The following INPP5D variants were observed in gnomAD, a reference collection of about 807,000 sequenced individuals.
INPP5D encodes the protein inositol polyphosphate-5-phosphatase D.
A neutral mutation model predicts 122.9 loss-of-function variants in INPP5D; 33 were observed. The ratio of observed to expected loss-of-function variants is 0.27; its 90% CI spans 0.20 to 0.36. The LOEUF (loss-of-function observed/expected upper bound fraction) is 0.36, where lower values mean the gene tolerates loss of function less well. Ranked by LOEUF, INPP5D falls within the 10% of genes least tolerant of loss-of-function variation. The pLI is 1.00. For missense variants in INPP5D, 1,053 were observed against 1,412.7 expected (o/e 0.75, Z 4.08); for synonymous variants, 584 against 576.2 (o/e 1.01, Z -0.19).
At chr2:233,139,773 C>T (rs966172883) in intron 5 of INPP5D, 69 bp from the exon 6 acceptor site, 13 of 396,930 alleles carry the variant, frequency 3.3e-5, no homozygotes, top group Admixed American at 8.8e-5. Context: ...GGCTAGAGCC[C>T]GTGCTGCCAT....
At position 233,079,360 on chromosome 2, in the gene INPP5D, AG is replaced by A; in HGVS notation, c.161del (p.Arg54LysfsTer20). 6.2e-7 allele frequency: 1 copy of A among 1,607,670 alleles called. No homozygotes were observed. Among genetic ancestry groups the A allele is most frequent in the Non-Finnish European group, 8.5e-7 (1 of 1,174,098 alleles). On this transcript the variant is annotated frameshift_variant, in exon 2 of 27. Transcript: ENST00000445964. LOFTEE classifies it high-confidence loss of function. The part of the protein sequence containing the change: ...VLYRNCVYTY[R>X]ILPNEDDKFT... ...GTATCGGAATTGCGTTTACACTTAC[AG>A]AATTCTGCCCAATGAAGATGATAAA...
In INPP5D at chr2:233,204,378, G is replaced by A. The variant is rs1695423705; in HGVS notation, c.3228G>A (p.Lys1076=). 6.2e-7 allele frequency: 1 copy of A among 1,610,210 alleles called. No homozygotes were observed. Among genetic ancestry groups the A allele is most frequent in the Non-Finnish European group, 8.5e-7 (1 of 1,178,352 alleles). ...CTGATCGCGGCGAGGGGCCCGGCAA[G>A]CAGGTGCCCGCGCCCCGGCTGCGCT... The part of the protein sequence containing the change: ...QEADRGEGPG[K]QVPAPRLRSF... The change falls in exon 26 of 27, where the codon AAG becomes AAA. Residue 1076 remains lysine (K), a synonymous_variant. Coordinates refer to ENST00000445964, the MANE Select transcript of INPP5D (RefSeq NM_001017915.3).
chr2:233,146,384 C>A lies in INPP5D; in HGVS notation c.852C>A (p.His284Gln). 2 of 704,284 alleles carry A rather than the reference C, an allele frequency of 2.8e-6. No individual in the cohort carries two copies. Among genetic ancestry groups the A allele is most frequent in the East Asian group, 5.3e-5 (2 of 37,424 alleles). 43.6% of individuals were successfully genotyped at this position (704,284 alleles called of 1,614,324 possible). ...SIEDKVKALL[H>Q]EGPESPHRPS... ...GCCCACAGGTCAAGGCCTTGCTGCA[C>A]GAGGGTCCTGAGTCTCCGCACCGGC... Residue 284 changes from histidine to glutamine, a missense_variant, in exon 8 of 27, where the codon CAC (histidine) becomes CAA (glutamine). Physicochemically the swap from His to Gln is conservative, Grantham distance 24 (BLOSUM62 0). Around this residue, in one of 6 missense-constraint regions of INPP5D, gnomAD observed 196 missense variants for 175.6 expected, o/e 1.12. Transcript: ENST00000445964.
chr2:233,061,477 G>A (rs2106373460), intron 1 of INPP5D, among the ~76,000 whole-genome samples: 1 of 152,212 alleles, frequency 6.6e-6, no homozygotes, highest in East Asian at 1.9e-4. Flanking sequence ...GTGCCGGAGT[G>A]TAGTCAGGGA....
chr2:233,165,606 CTGTG>C (rs1427002690), intron 13 of INPP5D, among the ~76,000 whole-genome samples: 6 of 150,554 alleles, frequency 4.0e-5, no homozygotes, highest in Non-Finnish European at 5.9e-5. Context: ...TTATGTGCAT[CTGTG>C]TGTGAGTGTA....
chr2:233,154,790 C>T (rs775283108), intron 9 of INPP5D, among the ~76,000 whole-genome samples: 13 of 152,204 alleles, frequency 8.5e-5, no homozygotes, highest in Admixed American at 6.5e-4. Flanking sequence ...TGGGGAGTTC[C>T]TTCAGACCTC....
At chr2:233,167,790 A>G (rs1694384339) in intron 13 of INPP5D, among the ~76,000 whole-genome samples, 1 of 152,116 alleles carries the variant, frequency 6.6e-6, no homozygotes, top group Admixed American at 6.5e-5. Flanking sequence ...AGATTGCCAG[A>G]GCTCAGTAGT....
intron 18 of INPP5D, 78 bp from the exon 19 acceptor site, chr2:233,182,332 T>C: frequency 3.2e-6 from 5 of 1,580,550 alleles, no homozygotes; most frequent in Non-Finnish European, 4.3e-6. Context: ...AGTTTCTTTC[T>C]GCTTTAGGGT....
chr2:233,138,912 A>ATTTTTTTTTTTTTTTTT (rs759201099), intron 5 of INPP5D, among the ~76,000 whole-genome samples: 3 of 140,428 alleles, frequency 2.1e-5, no homozygotes, highest in African/African-American at 7.9e-5. Context: ...CACCTGGCTA[A>ATTTTTTTTTTTTTTTTT]TTTTTTTTTT....
chr2:233,169,874 G>A, intron 14 of INPP5D, 152 bp from the exon 15 acceptor site: 1 of 1,424,144 alleles, frequency 7.0e-7, no homozygotes, highest in Non-Finnish European at 9.6e-7. Flanking sequence ...GCACACTAAG[G>A]AGTTCTGCTG....
intron 1 of INPP5D, among the ~76,000 whole-genome samples, chr2:233,077,139 A>T (rs1691540759): frequency 6.6e-6 from 1 of 152,194 alleles, no homozygotes; most frequent in South Asian, 2.1e-4. Context: ...TTTGGTGAAA[A>T]AAACAAATTT....
At chr2:233,066,350 C>T (rs1185605839) in intron 1 of INPP5D, among the ~76,000 whole-genome samples, 1 of 152,214 alleles carries the variant, frequency 6.6e-6, no homozygotes, top group African/African-American at 2.4e-5. Flanking sequence ...CATTTCTCCC[C>T]ACCCCAGACA....
chr2:233,069,292 T>G (rs1691313919), intron 1 of INPP5D, among the ~76,000 whole-genome samples: 1 of 152,174 alleles, frequency 6.6e-6, no homozygotes, highest in African/African-American at 2.4e-5. Flanking sequence ...CACACAGCTG[T>G]CAGTGGCAAT....
At chr2:233,084,649 C>T (rs1330152038) in intron 2 of INPP5D, among the ~76,000 whole-genome samples, 3 of 152,338 alleles carry the variant, frequency 2.0e-5, no homozygotes, top group East Asian at 1.9e-4. Context: ...GCTCAGGAAG[C>T]GAGTGGCAGC....
chr2:233,085,242 CG>C (rs1691798686), intron 2 of INPP5D, among the ~76,000 whole-genome samples: 1 of 151,986 alleles, frequency 6.6e-6, no homozygotes, highest in South Asian at 2.1e-4. Flanking sequence ...AAAACTTAGT[CG>C]GGTGTGGTGG....
At chr2:233,092,846 G>A (rs112231198) in intron 2 of INPP5D, among the ~76,000 whole-genome samples, 1,979 of 152,246 alleles carry the variant, frequency 0.013, 17 homozygotes, top group African/African-American at 0.033. Flanking sequence ...TGGCTCCCAC[G>A]TAGCCAGGGG....
At chr2:233,087,902 G>A (rs2106218946) in intron 2 of INPP5D, among the ~76,000 whole-genome samples, 1 of 152,190 alleles carries the variant, frequency 6.6e-6, no homozygotes, top group South Asian at 2.1e-4. Flanking sequence ...ATTCGAGACG[G>A]GTTCTCTTTT....
chr2:233,086,155 TTCTTTCTTTCTTTCTTTCTTTC>T (rs1360552768), intron 2 of INPP5D, among the ~76,000 whole-genome samples: 1 of 146,378 alleles, frequency 6.8e-6, no homozygotes, highest in East Asian at 2.0e-4. Flanking sequence ...CTTTCTTTCT[TTCTTTCTTTCTTTCTTTCTTTC>T]TTTCTTTCTT....
At chr2:233,089,803 T>G (rs1393320913) in intron 2 of INPP5D, among the ~76,000 whole-genome samples, 2 of 152,232 alleles carry the variant, frequency 1.3e-5, no homozygotes, top group Non-Finnish European at 2.9e-5. Context: ...TAGAGACCAA[T>G]GACAAGCAAT....
Sources: gnomAD v4.1 joint callset for allele counts (sites outside exome capture counted in the v4.1 genomes callset) on GRCh38, gnomAD v4.1.1 for gene constraint, gnomAD v4.1.1 regional missense constraint, MANE v1.5 for transcripts, NCBI Gene and HGNC (gene_info 2026-07-23, HGNC 2026-07-21) for gene names.